Variants in ROR1 observed in about 807,000 individuals in gnomAD.
ROR1 encodes the protein inactive tyrosine-protein kinase transmembrane receptor ROR1.
A neutral mutation model predicts 78.8 loss-of-function variants in ROR1; 19 were observed. That is an observed-to-expected ratio of 0.24 (90% CI 0.17 to 0.35). ROR1 has a LOEUF of 0.35. ROR1 is among the 10% of genes least tolerant of loss of function. The pLI, the probability that ROR1 is intolerant of heterozygous loss-of-function variation, is 1.00. For missense variants in ROR1, 917 were observed against 1,177.8 expected, an observed-to-expected ratio of 0.78 and a Z score of 3.24; for synonymous variants, 386 against 433.6, an observed-to-expected ratio of 0.89 and a Z score of 1.36.
At chr1:63,844,896 G>A (rs150893649) in intron 1 of ROR1, among the ~76,000 whole-genome samples, 4 of 152,214 alleles carry the variant, frequency 2.6e-5, no homozygotes, top group African/African-American at 9.6e-5. Flanking sequence ...CTATTACCTG[G>A]AGGAGGGGTA....
At chr1:64,131,159 G>T (rs939390652) in intron 4 of ROR1, among the ~76,000 whole-genome samples, 2 of 152,144 alleles carry the variant, frequency 1.3e-5, no homozygotes, top group African/African-American at 4.8e-5. Context: ...TTTGAGCTGT[G>T]TGATGACTTT....
At chr1:63,990,395 C>T (rs367877871) in intron 1 of ROR1, among the ~76,000 whole-genome samples, 6 of 152,064 alleles carry the variant, frequency 3.9e-5, no homozygotes, top group African/African-American at 1.4e-4. Flanking sequence ...CAATGCCAAG[C>T]GAAATTATCA....
At chr1:64,042,321 C>A (rs1322599493) in intron 2 of ROR1, among the ~76,000 whole-genome samples, 1 of 152,140 alleles carries the variant, frequency 6.6e-6, no homozygotes, top group African/African-American at 2.4e-5. Context: ...TGGATTAAAT[C>A]CTTTAACCCC....
intron 1 of ROR1, among the ~76,000 whole-genome samples, chr1:63,983,372 G>A (rs1003544921): frequency 2.6e-5 from 4 of 152,170 alleles, no homozygotes; most frequent in African/African-American, 9.7e-5. Context: ...CTTGAGAATG[G>A]GGAGGACTGT....
chr1:63,990,837 T>G (rs997102204), intron 1 of ROR1, among the ~76,000 whole-genome samples: 2 of 152,196 alleles, frequency 1.3e-5, no homozygotes, highest in African/African-American at 4.8e-5. Context: ...GAGGAGTAAC[T>G]CATTTCTTGG....
At chr1:64,079,027 G>A (rs116438777) in intron 4 of ROR1, among the ~76,000 whole-genome samples, 1,731 of 152,246 alleles carry the variant, frequency 0.011, 8 homozygotes, top group Middle Eastern at 0.024. Flanking sequence ...GCTGAGAATC[G>A]TTGATTAGAG....
chr1:63,938,083 T>A (rs1343747582), intron 1 of ROR1, among the ~76,000 whole-genome samples: 1 of 152,036 alleles, frequency 6.6e-6, no homozygotes, highest in Non-Finnish European at 1.5e-5. Context: ...GAATATAGAG[T>A]TGGCCTCCCA....
intron 6 of ROR1, among the ~76,000 whole-genome samples, chr1:64,141,323 C>T (rs1327983182): frequency 4.0e-5 from 6 of 150,646 alleles, no homozygotes; most frequent in Admixed American, 1.3e-4. Flanking sequence ...AGAAGGTGAA[C>T]GGAGAGCAAG....
intron 2 of ROR1, among the ~76,000 whole-genome samples, chr1:64,038,094 A>C (rs834477): frequency 1.3e-5 from 2 of 152,016 alleles, no homozygotes; most frequent in Admixed American, 1.3e-4. Flanking sequence ...TGCGAGGCCA[A>C]GGAGAGATGG....
chr1:64,061,775 G>T (rs1162464766), intron 4 of ROR1, among the ~76,000 whole-genome samples: 1 of 152,162 alleles, frequency 6.6e-6, no homozygotes, highest in African/African-American at 2.4e-5. Flanking sequence ...GCAAAGTGAA[G>T]CACTTGGGCT....
intron 1 of ROR1, chr1:63,788,922 T>A: frequency 1.2e-6 from 1 of 855,844 alleles, no homozygotes; most frequent in Non-Finnish European, 1.9e-6. Context: ...CACGTTCCCC[T>A]TAACCTTCAG....
intron 1 of ROR1, among the ~76,000 whole-genome samples, chr1:63,872,903 T>C (rs1366466614): frequency 6.6e-6 from 1 of 152,176 alleles, no homozygotes; most frequent in Non-Finnish European, 1.5e-5. Flanking sequence ...GAATATGTTG[T>C]GGTTTTTATA....
intron 1 of ROR1, among the ~76,000 whole-genome samples, chr1:63,970,683 A>G (rs1646112156): frequency 6.6e-6 from 1 of 152,228 alleles, no homozygotes. Flanking sequence ...TAAGAATAAT[A>G]GTTAACATTC....
chr1:63,898,778 C>T (rs992839835), intron 1 of ROR1, among the ~76,000 whole-genome samples: 1 of 152,006 alleles, frequency 6.6e-6, no homozygotes, highest in Non-Finnish European at 1.5e-5. Context: ...GTACTCACTG[C>T]AGAGGGAGTT....
chr1:63,929,554 C>A (rs549886688), intron 1 of ROR1, among the ~76,000 whole-genome samples: 2 of 152,104 alleles, frequency 1.3e-5, no homozygotes, highest in African/African-American at 4.8e-5. Flanking sequence ...GGAAAAGCAG[C>A]CTAGAGGGAT....
chr1:64,159,476 G>A (rs1429603597), intron 8 of ROR1, among the ~76,000 whole-genome samples: 1 of 152,096 alleles, frequency 6.6e-6, no homozygotes, highest in Non-Finnish European at 1.5e-5. Context: ...AGCCCGTCAG[G>A]ACTCAGAACG....
At chr1:63,929,012 G>A (rs923576920) in intron 1 of ROR1, among the ~76,000 whole-genome samples, 1 of 152,154 alleles carries the variant, frequency 6.6e-6, no homozygotes, top group Non-Finnish European at 1.5e-5. Context: ...CAGATGAAAA[G>A]GATTAGTATT....
chr1:64,043,301 T>C (rs1402087402), intron 2 of ROR1, among the ~76,000 whole-genome samples: 1 of 152,230 alleles, frequency 6.6e-6, no homozygotes, highest in Non-Finnish European at 1.5e-5. Context: ...TGCCTAAAAT[T>C]CACTTGAGCC....
chr1:63,909,007 C>A (rs1264474379), intron 1 of ROR1, among the ~76,000 whole-genome samples: 1 of 152,172 alleles, frequency 6.6e-6, no homozygotes, highest in East Asian at 1.9e-4. Context: ...GCGCAGGAGA[C>A]TGTTCTGACC....
Sources: allele counts gnomAD v4.1 joint callset (sites outside exome capture counted in the v4.1 genomes callset), GRCh38; gene constraint gnomAD v4.1.1; transcripts MANE v1.5; gene names NCBI Gene and HGNC (gene_info 2026-07-23, HGNC 2026-07-21).